The following DACH2 variants were observed in gnomAD, a reference collection of about 807,000 sequenced individuals.
DACH2 encodes dachshund family transcription factor 2.
DACH2 carries 17 observed loss-of-function variants against 35.8 expected under a neutral mutation model. The ratio of observed to expected loss-of-function variants is 0.48; its 90% CI spans 0.33 to 0.71. The LOEUF is 0.71. Among genes scored for constraint, DACH2 ranks in the 30% least tolerant of loss-of-function variants. DACH2 has a pLI of 0.02. For synonymous variants in DACH2, 195 were observed against 177.3 expected (o/e 1.10, Z -0.79); for missense variants, 469 against 472.7 (o/e 0.99, Z 0.07).
intron 1 of DACH2, among the ~76,000 whole-genome samples, chrX:86,266,175 CT>C (rs1229687342): frequency 9.0e-6 from 1 of 111,322 alleles, no homozygotes; most frequent in Non-Finnish European, 1.9e-5. Flanking sequence ...GCCCCACCCC[CT>C]AAGTTTCTGA....
At chrX:86,516,935 C>T (rs951379953) in intron 3 of DACH2, among the ~76,000 whole-genome samples, 6 of 111,453 alleles carry the variant, frequency 5.4e-5, no homozygotes, top group African/African-American at 2.0e-4. Context: ...ATATATACCA[C>T]ATTTTCTTTT....
At position 86,260,815 on chromosome X, in the gene DACH2, G is replaced by T. The variant is rs1213645573; in HGVS notation, c.488+111707G>T. Among the ~76,000 whole-genome samples, 9 of 111,181 alleles carry T rather than the reference G, an allele frequency of 8.1e-5. No individual in the cohort carries two copies. The East Asian group carries it at 2.3e-3, about 28-fold the overall frequency. ...TTTGTAAGGATTGGAACTCAGATGG[G>T]TCTGGCTCCAAGGAGTTACCTTTTC... On this transcript the variant is annotated intron_variant, in intron 1 of 11. Transcript: ENST00000373125.
chrX:86,531,046 T>C (rs1202422409), intron 3 of DACH2, among the ~76,000 whole-genome samples: 3 of 111,868 alleles, frequency 2.7e-5, no homozygotes, highest in Non-Finnish European at 5.6e-5. Context: ...GTATCTGGTG[T>C]AAGAAATTTC....
intron 7 of DACH2, among the ~76,000 whole-genome samples, chrX:86,758,381 G>T (rs1372211775): frequency 9.0e-6 from 1 of 111,136 alleles, no homozygotes; most frequent in Non-Finnish European, 1.9e-5. Context: ...TTCTCTCTTA[G>T]CACTGCATTT....
rs73238834 is a variant in DACH2, at chrX:86,288,485, C to G, written c.489-88339C>G. On this transcript the variant is annotated intron_variant, in intron 1 of 11. Transcript: ENST00000373125. The stretch of plus-strand genomic sequence containing the variant: ...TTCCCTTCAGAGTGGTGAGCTCCCC[C>G]AGACGCCTGACATACCAAGAGGTGC... Among the ~76,000 whole-genome samples, 4 of 112,034 alleles carry G rather than the reference C, an allele frequency of 3.6e-5. No homozygotes were observed. In the Admixed American group the frequency reaches 3.8e-4, roughly 11 times the overall value.
chrX:86,719,932 C>CTT (rs57079697), intron 6 of DACH2, among the ~76,000 whole-genome samples: 10,824 of 75,484 alleles, frequency 0.14, 696 homozygotes, highest in African/African-American at 0.21. Context: ...TTTCTTTTTT[C>CTT]TTTTTTTTTT....
chrX:86,196,669 G>A (rs185194620), intron 1 of DACH2, among the ~76,000 whole-genome samples: 1 of 83,263 alleles, frequency 1.2e-5, no homozygotes, highest in Admixed American at 1.5e-4. Context: ...CTCCAGCCTG[G>A]GTGACAAAGC....
chrX:86,396,414 T>C (rs1428929117), intron 2 of DACH2, among the ~76,000 whole-genome samples: 5 of 96,611 alleles, frequency 5.2e-5, no homozygotes, highest in African/African-American at 7.8e-5. Flanking sequence ...TTGTCAATTT[T>C]GGCTTTTGTT....
chrX:86,531,061 C>A (rs2038712889), intron 3 of DACH2, among the ~76,000 whole-genome samples: 1 of 111,798 alleles, frequency 8.9e-6, no homozygotes, highest in African/African-American at 3.3e-5. Flanking sequence ...AATTTCTAAG[C>A]AGCAAAGCAT....
chrX:86,149,151 T>C, intron 1 of DACH2, 43 bp downstream of exon 1: 2 of 1,144,323 alleles, frequency 1.7e-6, no homozygotes, highest in South Asian at 2.1e-5. Context: ...TCTTACCCCT[T>C]TGGCCTCTTC....
chrX:86,400,950 T>C (rs1423869816), intron 2 of DACH2, among the ~76,000 whole-genome samples: 1 of 112,426 alleles, frequency 8.9e-6, no homozygotes, highest in Non-Finnish European at 1.9e-5. Context: ...TTACTGTCTT[T>C]TGTTTGTCGG....
chrX:86,739,850 C>T lies in DACH2; in HGVS notation c.1208C>T (p.Pro403Leu), dbSNP rs1368471132. 10 of 1,200,308 alleles carry T rather than the reference C, an allele frequency of 8.3e-6. No homozygotes were observed. The highest frequency in any genetic ancestry group is 1.1e-5 in the Non-Finnish European group (10 of 890,900). Residue 403 changes from proline (P) to leucine (L), a missense_variant, in exon 7 of 12, where the codon CCC becomes CTC. Physicochemically the swap from Pro to Leu is moderately conservative, Grantham distance 98. Transcript: ENST00000373125. ...SHTSSSVSSS[P>L]SQMDHHLERM... Reference sequence around the variant, plus strand: ...ACCAGCAGCAGTGTGTCCAGCTCTCCCTCTCAGATGGATCATCATTTGGAA... The same window carrying T: ...ACCAGCAGCAGTGTGTCCAGCTCTCTCTCTCAGATGGATCATCATTTGGAA...
At chrX:86,735,446 G>T (rs1569475591) in intron 6 of DACH2, among the ~76,000 whole-genome samples, 1 of 111,288 alleles carries the variant, frequency 9.0e-6, no homozygotes. Context: ...TGATAAAATG[G>T]GCAACATTTT....
intron 7 of DACH2, among the ~76,000 whole-genome samples, chrX:86,810,368 T>G (rs2042383407): frequency 8.9e-6 from 1 of 111,945 alleles, no homozygotes. Flanking sequence ...TTTTAAGAAC[T>G]CTCTCCTTGA....
At chrX:86,702,035 T>G (rs1340147988) in intron 5 of DACH2, among the ~76,000 whole-genome samples, 2 of 111,687 alleles carry the variant, frequency 1.8e-5, no homozygotes, top group African/African-American at 6.5e-5. Flanking sequence ...TAAAAAAGTC[T>G]CAATAAGTTT....
intron 3 of DACH2, among the ~76,000 whole-genome samples, chrX:86,554,063 A>T (rs1569438349): frequency 2.7e-5 from 3 of 110,988 alleles, no homozygotes; most frequent in Non-Finnish European, 5.7e-5. Context: ...ATGGCATAAT[A>T]TGTGTTTCTA....
chrX:86,723,325 C>G (rs1246133073), intron 6 of DACH2, among the ~76,000 whole-genome samples: 1 of 76,711 alleles, frequency 1.3e-5, no homozygotes, highest in Non-Finnish European at 2.4e-5. Flanking sequence ...ATATTTATTC[C>G]TTCTGCTAAT....
chrX:86,638,765 T>C (rs1363822530), intron 3 of DACH2, among the ~76,000 whole-genome samples: 1 of 111,573 alleles, frequency 9.0e-6, no homozygotes, highest in East Asian at 2.8e-4. Flanking sequence ...AGATAACAAA[T>C]GTTGGTGAGT....
At chrX:86,307,069 AG>A (rs2034703304) in intron 1 of DACH2, among the ~76,000 whole-genome samples, 1 of 111,906 alleles carries the variant, frequency 8.9e-6, no homozygotes. Context: ...AAAGGCAAGG[AG>A]TTTAGTGACT....
Sources: allele counts gnomAD v4.1 joint callset (sites outside exome capture counted in the v4.1 genomes callset), GRCh38; gene constraint gnomAD v4.1.1; transcripts MANE v1.5; gene names NCBI Gene and HGNC (gene_info 2026-07-23, HGNC 2026-07-21).